Variants in NAV2 observed in about 807,000 individuals in gnomAD.
The protein encoded by NAV2 is helicase, APC down-regulated 1.
In NAV2, 54 loss-of-function variants were observed where a neutral mutation model predicts 223.2. The ratio of observed to expected loss-of-function variants is 0.24; its 90% CI spans 0.19 to 0.30. The LOEUF (loss-of-function observed/expected upper bound fraction) is 0.30. Ranked by LOEUF, NAV2 falls within the 10% of genes least tolerant of loss-of-function variation. NAV2 has a pLI of 1.00. For missense variants in NAV2, 2,806 were observed against 3,147.5 expected, an observed-to-expected ratio of 0.89 and a Z score of 2.60; for synonymous variants, 1,279 against 1,239.3, an observed-to-expected ratio of 1.03 and a Z score of -0.67.
intron 5 of NAV2, among the ~76,000 whole-genome samples, chr11:19,890,548 C>T (rs2153133939): frequency 6.6e-6 from 1 of 152,288 alleles, no homozygotes. Context: ...ATTGCTCTGA[C>T]ATCATCTTGG....
chr11:19,987,378 A>T (rs1181412117), intron 11 of NAV2, among the ~76,000 whole-genome samples: 1 of 152,246 alleles, frequency 6.6e-6, no homozygotes, highest in African/African-American at 2.4e-5. Flanking sequence ...TTCCATTCAC[A>T]CATAAGCAAT....
At chr11:19,497,101 G>A (rs1371056609) in intron 1 of NAV2, among the ~76,000 whole-genome samples, 1 of 152,190 alleles carries the variant, frequency 6.6e-6, no homozygotes, top group African/African-American at 2.4e-5. Flanking sequence ...ATTCCAAAGT[G>A]CAGAAGTTAA....
rs146235127 is a variant in NAV2, at chr11:20,035,995, C to T, written c.2805C>T (p.Ser935=). 2.5e-5 allele frequency: 41 copies of T among 1,614,054 alleles called. No individual in the cohort carries two copies. The Admixed American group carries it at 2.7e-4, about 10-fold the overall frequency. ...DDSSSVSSGI[S]DTIDNLSTDD... ...GCAGCTCCGTCAGCAGCGGCATCAG[C>T]GACACCATAGACAACCTCAGCACTG... Residue 935 remains serine, a synonymous_variant, in exon 12 of 38, where the codon AGC becomes AGT. Coordinates refer to ENST00000349880, the MANE Select transcript of NAV2 (RefSeq NM_145117.5).
intron 1 of NAV2, among the ~76,000 whole-genome samples, chr11:19,584,056 G>T (rs899935073): frequency 5.9e-5 from 9 of 152,078 alleles, no homozygotes; most frequent in Admixed American, 2.0e-4. Flanking sequence ...CAATTTCAGA[G>T]CCTGTTATTG....
intron 11 of NAV2, chr11:20,022,473 C>T (rs536049628): frequency 3.8e-5 from 34 of 887,354 alleles, no homozygotes; most frequent in Non-Finnish European, 4.3e-5. Flanking sequence ...TTGACATCAC[C>T]GGAAATAATG....
chr11:20,040,365 C>T (rs2056796411), intron 12 of NAV2, among the ~76,000 whole-genome samples: 1 of 152,198 alleles, frequency 6.6e-6, no homozygotes, highest in South Asian at 2.1e-4. Flanking sequence ...AATAGAACCA[C>T]TGTTTATTGA....
intron 22 of NAV2, among the ~76,000 whole-genome samples, chr11:20,073,169 C>T (rs989499736): frequency 3.9e-5 from 6 of 152,014 alleles, no homozygotes; most frequent in African/African-American, 1.4e-4. Flanking sequence ...TGTCCAAGGC[C>T]TTTTCTGCAT....
chr11:19,594,533 G>T (rs962511927), intron 1 of NAV2, among the ~76,000 whole-genome samples: 2 of 151,872 alleles, frequency 1.3e-5, no homozygotes. Context: ...GCACAGTAAC[G>T]AGTCAGGATA....
At chr11:19,460,207 G>A (rs970677143) in intron 1 of NAV2, among the ~76,000 whole-genome samples, 3 of 152,148 alleles carry the variant, frequency 2.0e-5, no homozygotes, top group African/African-American at 7.2e-5. Flanking sequence ...CTCTTCTTGT[G>A]ATCCAGGGAC....
At chr11:19,717,989 C>T (rs1379156683) in intron 1 of NAV2, among the ~76,000 whole-genome samples, 2 of 152,168 alleles carry the variant, frequency 1.3e-5, no homozygotes, top group African/African-American at 2.4e-5. Flanking sequence ...CTGTCACCCA[C>T]CCTTCCTCCA....
rs563861404 is a variant in NAV2 at position 19,587,589 on chromosome 11, T to A, written c.75+236562T>A. 2.0e-5 allele frequency among the ~76,000 whole-genome samples: 3 copies of A among 152,320 alleles called. No homozygotes were observed. The East Asian group carries it at 5.8e-4, about 29-fold the overall frequency. ...GGGCTTTTTGGTCCTCATAGAAAAC[T>A]CTTATGGTCTGGGTTGAAAGCATCT... is the stretch of plus-strand genomic sequence containing the variant. On this transcript the variant is annotated intron_variant, in intron 1 of 37. Coordinates refer to the NAV2 transcript ENST00000360655.
intron 1 of NAV2, among the ~76,000 whole-genome samples, chr11:19,776,826 T>C (rs2056260905): frequency 6.6e-6 from 1 of 151,832 alleles, no homozygotes; most frequent in East Asian, 1.9e-4. Flanking sequence ...CCGGCTGGTG[T>C]CTGAGCTAAG....
intron 6 of NAV2, among the ~76,000 whole-genome samples, chr11:19,903,412 A>G (rs189014731): frequency 1.1e-4 from 16 of 152,136 alleles, no homozygotes; most frequent in Admixed American, 2.0e-4. Context: ...GCTTGTTTTT[A>G]TGATGGCAAG....
At chr11:19,991,868 CT>C (rs982773244) in intron 11 of NAV2, among the ~76,000 whole-genome samples, 4 of 152,284 alleles carry the variant, frequency 2.6e-5, no homozygotes, top group Admixed American at 2.6e-4. Flanking sequence ...CTCTCTGACT[CT>C]CTGTTATTCT....
chr11:19,855,710 G>A (rs1220075344), intron 3 of NAV2, among the ~76,000 whole-genome samples: 1 of 152,212 alleles, frequency 6.6e-6, no homozygotes, highest in Non-Finnish European at 1.5e-5. Flanking sequence ...TGGAATTAAA[G>A]TATTCCTCAG....
intron 7 of NAV2, among the ~76,000 whole-genome samples, chr11:19,935,413 A>C (rs1362577375): frequency 6.6e-6 from 1 of 152,236 alleles, no homozygotes; most frequent in East Asian, 1.9e-4. Context: ...GTATACATTC[A>C]TACATAAAAT....
At chr11:19,831,223 C>CGGTG (rs1555083701) in intron 1 of NAV2, among the ~76,000 whole-genome samples, 5 of 876 alleles carry the variant, frequency 5.7e-3, no homozygotes, top group Admixed American at 0.015. Context: ...AGGAGTGTTG[C>CGGTG]GGGGGGGGGG....
intron 1 of NAV2, among the ~76,000 whole-genome samples, chr11:19,788,758 G>A (rs1407976472): frequency 1.3e-5 from 2 of 152,072 alleles, no homozygotes; most frequent in Non-Finnish European, 2.9e-5. Flanking sequence ...TTCTCACCTG[G>A]GGGAGTTTGC....
intron 1 of NAV2, among the ~76,000 whole-genome samples, chr11:19,821,502 G>A (rs190121940): frequency 6.4e-4 from 98 of 152,254 alleles, no homozygotes; most frequent in Middle Eastern, 3.4e-3. Context: ...GTGTGGCTGT[G>A]GTGCCATTCA....
Sources: gnomAD v4.1 joint callset for allele counts (sites outside exome capture counted in the v4.1 genomes callset) on GRCh38, gnomAD v4.1.1 for gene constraint, MANE v1.5 for transcripts, NCBI Gene and HGNC (gene_info 2026-07-23, HGNC 2026-07-21) for gene names.